Variants in CCNJL observed in about 807,000 individuals in gnomAD.
The protein encoded by CCNJL is cyclin J like, also known as cyclin-J-like protein.
CCNJL carries 33 observed loss-of-function variants against 33.4 expected under a neutral mutation model. The ratio of observed to expected loss-of-function variants is 0.99; its 90% CI spans 0.75 to 1.32. CCNJL has a LOEUF of 1.32. Among genes scored for constraint, CCNJL ranks in the 40% most tolerant of loss-of-function variants. CCNJL has a pLI of 0.00. For missense variants in CCNJL, 512 were observed against 499.7 expected (o/e 1.02, Z -0.23); for synonymous variants, 227 against 220.9 (o/e 1.03, Z -0.24).
chr5:160,319,391 C>G (rs931532054), intron 1 of CCNJL, among the ~76,000 whole-genome samples: 1 of 152,150 alleles, frequency 6.6e-6, no homozygotes, highest in Admixed American at 6.6e-5. Flanking sequence ...GAAAATTTAT[C>G]ATTTGCGGCA....
chr5:160,288,070 T>A (rs540779974), intron 2 of CCNJL, among the ~76,000 whole-genome samples: 1 of 152,220 alleles, frequency 6.6e-6, no homozygotes, highest in African/African-American at 2.4e-5. Flanking sequence ...GAAAAAGAAA[T>A]CCACCTTACA....
At chr5:160,273,229 A>G (rs888153568) in intron 3 of CCNJL, among the ~76,000 whole-genome samples, 4 of 152,308 alleles carry the variant, frequency 2.6e-5, no homozygotes, top group African/African-American at 9.6e-5. Flanking sequence ...TGATCACAAC[A>G]TTTCATCAAC....
At chr5:160,285,436 G>GGGGA (rs1208002877) in intron 2 of CCNJL, among the ~76,000 whole-genome samples, 3 of 152,226 alleles carry the variant, frequency 2.0e-5, no homozygotes, top group East Asian at 1.9e-4. Flanking sequence ...CAGAAGGGGT[G>GGGGA]GGGAGGGAGG....
intron 1 of CCNJL, among the ~76,000 whole-genome samples, chr5:160,321,753 G>A (rs1427542855): frequency 6.6e-6 from 1 of 152,152 alleles, no homozygotes; most frequent in East Asian, 1.9e-4. Flanking sequence ...CCAACATGGT[G>A]AAACCCTGTC....
rs7443367 is a variant in CCNJL, at chr5:160,256,931, T to A, written c.584-1223A>T. Among the ~76,000 whole-genome samples, 40 of 150,400 alleles carry A rather than the reference T, an allele frequency of 2.7e-4. 1 individual carries two copies. Among genetic ancestry groups the A allele is most frequent in the Admixed American group, 1.3e-3 (19 of 15,118 alleles). ...AGACTTCATCTCAAAAAAAAAAAAA[T>A]TTTTTTTCATGATTTTCAATTACTT... On this transcript the variant is annotated intron_variant, in intron 4 of 5. Coordinates refer to ENST00000257536, the MANE Select transcript of CCNJL (RefSeq NM_001308173.3).
intron 2 of CCNJL, among the ~76,000 whole-genome samples, chr5:160,285,423 A>G (rs774412882): frequency 6.9e-6 from 1 of 145,124 alleles, no homozygotes; most frequent in Admixed American, 6.8e-5. Context: ...AATTGCTGAA[A>G]GACAGAAGGG....
intron 1 of CCNJL, among the ~76,000 whole-genome samples, chr5:160,323,850 TTCTG>T (rs1389463794): frequency 6.6e-6 from 1 of 152,248 alleles, no homozygotes; most frequent in African/African-American, 2.4e-5. Context: ...GAATTTCTTT[TTCTG>T]TCTGTCTTTG....
At chr5:160,328,695 C>A (rs1763569024) in intron 1 of CCNJL, among the ~76,000 whole-genome samples, 1 of 150,326 alleles carries the variant, frequency 6.7e-6, no homozygotes, top group African/African-American at 2.5e-5. Context: ...TATGGTGAAA[C>A]CCCGTCTCTA....
rs1249274861 is a variant in CCNJL, at chr5:160,326,675, T to C, written n.207-11170A>G. 4 of 846,470 alleles carry C rather than the reference T, an allele frequency of 4.7e-6. No homozygotes were observed. The African/African-American group carries it at 6.8e-5, about 14-fold the overall frequency. 52.4% of individuals were successfully genotyped at this position (846,470 alleles called of 1,614,324 possible). ...GCTTGAAATCAGCGGGTGGGTGTGC[T>C]CTTTGTGAAATTCCACCATGGCATA... On this transcript the variant is annotated intron_variant and non_coding_transcript_variant, in intron 1 of 7. Transcript: ENST00000377503.
At chr5:160,316,070 T>C (rs564858023), upstream of CCNJL, among the ~76,000 whole-genome samples, 37 of 152,298 alleles carry the variant, frequency 2.4e-4, no homozygotes, top group South Asian at 7.0e-3. Flanking sequence ...CCTTTGTGTA[T>C]CATTCTCCAG....
intron 2 of CCNJL, among the ~76,000 whole-genome samples, chr5:160,307,794 A>AG (rs1330882660): frequency 6.6e-6 from 1 of 152,174 alleles, no homozygotes; most frequent in Admixed American, 6.5e-5. Context: ...CAGATGCAGC[A>AG]GGGACAGGAA....
At chr5:160,286,991 T>C (rs895841900) in intron 2 of CCNJL, among the ~76,000 whole-genome samples, 1 of 152,146 alleles carries the variant, frequency 6.6e-6, no homozygotes, top group Non-Finnish European at 1.5e-5. Flanking sequence ...TAAGAAAGAA[T>C]AAATACAGAG....
intron 5 of CCNJL, chr5:160,254,204 G>T: frequency 1.9e-6 from 1 of 520,300 alleles, no homozygotes; most frequent in Non-Finnish European, 3.4e-6. Flanking sequence ...TGTTCCTGGG[G>T]CCTGAATGAG....
intron 3 of CCNJL, among the ~76,000 whole-genome samples, chr5:160,270,822 G>C (rs962715986): frequency 6.6e-6 from 1 of 152,174 alleles, no homozygotes; most frequent in Admixed American, 6.5e-5. Flanking sequence ...CTGCTGCTGG[G>C]AATCTAGAAG....
At chr5:160,273,765 G>A (rs1761918017) in intron 3 of CCNJL, among the ~76,000 whole-genome samples, 2 of 147,900 alleles carry the variant, frequency 1.4e-5, no homozygotes, top group Admixed American at 1.4e-4. Context: ...TCCTCCCTCA[G>A]CCTCCCGAGT....
chr5:160,325,879 C>T (rs1763527783), intron 1 of CCNJL, among the ~76,000 whole-genome samples: 1 of 151,850 alleles, frequency 6.6e-6, no homozygotes, highest in Non-Finnish European at 1.5e-5. Flanking sequence ...GAACACAGCC[C>T]CACCCATTTG....
intron 2 of CCNJL, among the ~76,000 whole-genome samples, chr5:160,307,766 G>A (rs1763137563): frequency 1.3e-5 from 2 of 152,142 alleles, no homozygotes; most frequent in South Asian, 4.1e-4. Context: ...AGGGAGCGGG[G>A]TCCTAGGTGG....
intron 2 of CCNJL, chr5:160,295,095 C>T (rs1762711975): frequency 6.6e-6 from 1 of 152,296 alleles, no homozygotes; most frequent in South Asian, 2.1e-4. Flanking sequence ...GCATTCAAAT[C>T]CCCTGGGGAC....
intron 2 of CCNJL, among the ~76,000 whole-genome samples, chr5:160,300,258 C>T (rs915726605): frequency 2.6e-5 from 4 of 152,184 alleles, no homozygotes; most frequent in African/African-American, 9.7e-5. Context: ...GCAGCACACA[C>T]TGCAATGCGG....
Sources: gnomAD v4.1 joint callset for allele counts (sites outside exome capture counted in the v4.1 genomes callset) on GRCh38, gnomAD v4.1.1 for gene constraint, MANE v1.5 for transcripts, NCBI Gene and HGNC (gene_info 2026-07-23, HGNC 2026-07-21) for gene names.